Variants in HTR3B observed in about 807,000 individuals in gnomAD.
HTR3B encodes 5-hydroxytryptamine receptor 3B.
A neutral mutation model predicts 42.8 loss-of-function variants in HTR3B; 44 were observed. The observed-to-expected ratio is 1.03, with a 90% CI of 0.81 to 1.32. The LOEUF is 1.32. Among genes scored for constraint, HTR3B ranks in the 40% most tolerant of loss-of-function variants. HTR3B has a pLI of 0.00. For missense variants in HTR3B, 527 were observed against 536.5 expected (o/e 0.98, Z 0.17); for synonymous variants, 203 against 209.0 (o/e 0.97, Z 0.25).
chr11:113,915,560 C>T (rs1949844094), intron 2 of HTR3B, among the ~76,000 whole-genome samples: 1 of 152,180 alleles, frequency 6.6e-6, no homozygotes, highest in South Asian at 2.1e-4. Context: ...TGTACAGATG[C>T]ACTACAATTT....
chr11:113,934,203 A>G (rs780045089), intron 6 of HTR3B, among the ~76,000 whole-genome samples: 8 of 152,184 alleles, frequency 5.3e-5, no homozygotes, highest in Non-Finnish European at 7.3e-5. Flanking sequence ...TCTGGCCAAC[A>G]TGGCAAAACC....
At position 113,933,025 on chromosome 11, in the gene HTR3B, C is replaced by T; in HGVS notation, c.628C>T (p.Leu210=). The stretch of plus-strand genomic sequence containing the variant: ...TTTGAATGACAGTGAGTGGGAACTT[C>T]TATCTGTGTCCTCCACATACAGCAT... ...AFLNDSEWEL[L]SVSSTYSILQ... is the part of the protein sequence containing the mutation. The change falls in exon 6 of 9, where the codon CTA becomes TTA. Residue 210 remains leucine (L), a synonymous_variant. Coordinates refer to ENST00000260191, the MANE Select transcript of HTR3B (RefSeq NM_006028.5). 6.2e-7 allele frequency: 1 copy of T among 1,614,152 alleles called. No homozygotes were observed. Among genetic ancestry groups the T allele is most frequent in the Non-Finnish European group, 8.5e-7 (1 of 1,180,020 alleles).
intron 1 of HTR3B, among the ~76,000 whole-genome samples, chr11:113,905,891 A>G (rs1401630412): frequency 6.6e-6 from 1 of 152,220 alleles, no homozygotes; most frequent in East Asian, 1.9e-4. Flanking sequence ...GCCACTTATC[A>G]TTAAAGTATA....
intron 2 of HTR3B, among the ~76,000 whole-genome samples, chr11:113,920,371 TTTTGTTTG>T (rs1209678685): frequency 7.2e-6 from 1 of 138,100 alleles, no homozygotes; most frequent in African/African-American, 2.6e-5. Context: ...TTTCCCAGTT[TTTTGTTTG>T]TTTGTTTGTT....
intron 6 of HTR3B, among the ~76,000 whole-genome samples, chr11:113,933,609 G>A (rs1950060253): frequency 6.6e-6 from 1 of 152,176 alleles, no homozygotes; most frequent in Non-Finnish European, 1.5e-5. Flanking sequence ...GGTAGCTTCT[G>A]GATCAGAGGG....
chr11:113,923,303 C>T (rs553511863), intron 2 of HTR3B, among the ~76,000 whole-genome samples: 131 of 152,282 alleles, frequency 8.6e-4, no homozygotes, highest in African/African-American at 3.0e-3. Context: ...CCCAGCACCT[C>T]GCCTCCATTA....
At chr11:113,933,908 G>A (rs1950064039) in intron 6 of HTR3B, among the ~76,000 whole-genome samples, 1 of 152,194 alleles carries the variant, frequency 6.6e-6, no homozygotes, top group African/African-American at 2.4e-5. Flanking sequence ...AGTGGTGGTG[G>A]TAGTGAGGGA....
intron 2 of HTR3B, among the ~76,000 whole-genome samples, chr11:113,925,504 A>T (rs1239274107): frequency 6.7e-6 from 1 of 148,302 alleles, no homozygotes; most frequent in African/African-American, 2.5e-5. Flanking sequence ...GCTCACTGCA[A>T]CCTCCGCCTC....
chr11:113,912,212 A>T (rs1334360245), intron 2 of HTR3B, among the ~76,000 whole-genome samples: 4 of 151,890 alleles, frequency 2.6e-5, no homozygotes, highest in Non-Finnish European at 4.4e-5. Flanking sequence ...TTCCTGTACG[A>T]GTCTTTTTGT....
At position 113,932,304 on chromosome 11, in the gene HTR3B, A is replaced by AT; in HGVS notation, c.385dup (p.Tyr129LeufsTer3). ...TTTCATATAGTGTGGACATTGAAAG[A>AT]TACCCTGACCTTCCCTATGTTTATG... On this transcript the variant is annotated frameshift_variant, in exon 5 of 9. Transcript: ENST00000260191. LOFTEE classifies it high-confidence loss of function. The AT allele has an allele frequency of 1.2e-6, 2 of 1,612,614 alleles. No individual in the cohort carries two copies. The highest frequency in any genetic ancestry group is 8.5e-7 in the Non-Finnish European group (1 of 1,178,946).
At chr11:113,935,651 C>T (rs1950085598) in intron 6 of HTR3B, among the ~76,000 whole-genome samples, 2 of 152,202 alleles carry the variant, frequency 1.3e-5, no homozygotes, top group African/African-American at 2.4e-5. Flanking sequence ...AATTTAGCAA[C>T]CAAGGCACCT....
At chr11:113,942,270 C>T (rs1950141947) in intron 6 of HTR3B, among the ~76,000 whole-genome samples, 2 of 151,820 alleles carry the variant, frequency 1.3e-5, no homozygotes, top group South Asian at 2.1e-4. Flanking sequence ...AGCGAGACTC[C>T]GTCTCAAAAA....
At chr11:113,912,205 C>T (rs1288225282) in intron 2 of HTR3B, among the ~76,000 whole-genome samples, 2 of 152,092 alleles carry the variant, frequency 1.3e-5, no homozygotes, top group Non-Finnish European at 2.9e-5. Flanking sequence ...AAGAATTTTC[C>T]TGTACGAGTC....
rs115636235 is a variant in HTR3B at position 113,928,348 on chromosome 11, T to C, written c.214-3036T>C. Among the ~76,000 whole-genome samples, 441 of 152,346 alleles carry C rather than the reference T, an allele frequency of 2.9e-3. 5 individuals are homozygous for C. The highest frequency in any genetic ancestry group is 9.5e-3 in the African/African-American group (394 of 41,578). ...GCGAACAGTGAAAACTGAAACTGTT[T>C]ACCCATTCAACGATAACTTTCCCTT... On this transcript the variant is annotated intron_variant, in intron 2 of 8. Transcript: ENST00000260191.
At chr11:113,905,188 TA>T (rs5794891) in intron 1 of HTR3B, among the ~76,000 whole-genome samples, 3,677 of 152,300 alleles carry the variant, frequency 0.024, 63 homozygotes, top group Non-Finnish European at 0.036. Context: ...CGTATACATA[TA>T]GCATCAGACT....
At chr11:113,922,747 G>C (rs1949929105) in intron 2 of HTR3B, among the ~76,000 whole-genome samples, 1 of 151,836 alleles carries the variant, frequency 6.6e-6, no homozygotes, top group African/African-American at 2.4e-5. Context: ...AGTAGAGACG[G>C]GGTTTCACCA....
chr11:113,916,283 T>A (rs1028953217), intron 2 of HTR3B, among the ~76,000 whole-genome samples: 1 of 152,238 alleles, frequency 6.6e-6, no homozygotes, highest in Admixed American at 6.5e-5. Context: ...TCTTTGGTAA[T>A]ATGTCTGCTC....
rs200640080 is a variant in HTR3B at position 113,944,692 on chromosome 11, C to T, written c.1027C>T (p.Arg343Ter). The T allele has an allele frequency of 2.9e-5, 46 of 1,613,980 alleles. No individual in the cohort carries two copies. The highest frequency in any genetic ancestry group is 3.6e-5 in the Non-Finnish European group (42 of 1,180,020). ...ACAGGAGCAGCCCTTCTTGTGCCTTCGAGGGGACACCGATGCTGACAGGCC... is the reference window on the plus strand; with the variant it reads ...ACAGGAGCAGCCCTTCTTGTGCCTTTGAGGGGACACCGATGCTGACAGGCC... ...GGQEQPFLCL[R>*]GDTDADRPRV... Residue 343 changes from arginine to a stop codon, truncating the protein, a stop_gained, in exon 8 of 9, where the codon CGA becomes TGA. Transcript: ENST00000260191. LOFTEE classifies it high-confidence loss of function.
rs539798102 is a variant in HTR3B, at chr11:113,909,348, A to G, written c.106A>G (p.Ser36Gly). 4 of 1,612,922 alleles carry G rather than the reference A, an allele frequency of 2.5e-6. No homozygotes were observed. In the Admixed American group the frequency reaches 6.7e-5, roughly 27 times the overall value. The stretch of plus-strand genomic sequence containing the variant: ...CCAGGATTCTGCTCTGTATCATCTC[A>G]GCAAGCAGCTATTACAGAAATATCA... The part of the protein sequence containing the change: ...HPQDSALYHL[S>G]KQLLQKYHKE... Residue 36 changes from serine to glycine, a missense_variant, in exon 2 of 9, where the codon AGC becomes GGC. By Grantham distance (56) the Ser-to-Gly change is moderately conservative. Transcript: ENST00000260191.
Sources: gnomAD v4.1 joint callset for allele counts (sites outside exome capture counted in the v4.1 genomes callset) on GRCh38, gnomAD v4.1.1 for gene constraint, MANE v1.5 for transcripts, NCBI Gene and HGNC (gene_info 2026-07-23, HGNC 2026-07-21) for gene names.